Variants in RBFOX1 observed in about 807,000 individuals in gnomAD.
RBFOX1 encodes the protein RNA binding protein fox-1 homolog 1.
A neutral mutation model predicts 57.7 loss-of-function variants in RBFOX1; 8 were observed. The observed-to-expected ratio is 0.14, with a 90% CI of 0.08 to 0.25. The LOEUF (loss-of-function observed/expected upper bound fraction) is 0.25, where lower values mean the gene tolerates loss of function less well. Among genes scored for constraint, RBFOX1 ranks in the 10% least tolerant of loss-of-function variants. The probability of loss-of-function intolerance (pLI) is 1.00; values close to 1 mark genes in which losing one functional copy is unlikely to be tolerated. For synonymous variants in RBFOX1, 326 were observed against 222.4 expected (o/e 1.47, Z -4.15); for missense variants, 611 against 548.5 (o/e 1.11, Z -1.14).
chr16:6,799,700 C>T (rs972115147), intron 3 of RBFOX1, among the ~76,000 whole-genome samples: 2 of 152,124 alleles, frequency 1.3e-5, no homozygotes, highest in African/African-American at 2.4e-5. Context: ...CTGAGTCTTC[C>T]ACCTTTCGTC....
intron 5 of RBFOX1, among the ~76,000 whole-genome samples, chr16:7,540,333 A>G (rs1002259534): frequency 1.3e-5 from 2 of 152,218 alleles, no homozygotes; most frequent in African/African-American, 4.8e-5. Context: ...ATATGGCACC[A>G]TGTCGGCAAT....
At chr16:5,782,266 C>G (rs1313766950) in intron 3 of RBFOX1, among the ~76,000 whole-genome samples, 5 of 152,182 alleles carry the variant, frequency 3.3e-5, no homozygotes, top group Non-Finnish European at 7.3e-5. Flanking sequence ...AGGGTGTCAG[C>G]ACGTTTGGTA....
intron 3 of RBFOX1, among the ~76,000 whole-genome samples, chr16:5,799,665 A>C (rs1215118823): frequency 1.3e-5 from 2 of 152,136 alleles, no homozygotes; most frequent in Non-Finnish European, 2.9e-5. Flanking sequence ...GAGTGTGTTC[A>C]AGGTAGGCTG....
chr16:6,886,021 G>A (rs546173456), intron 3 of RBFOX1, among the ~76,000 whole-genome samples: 1 of 151,414 alleles, frequency 6.6e-6, no homozygotes, highest in Non-Finnish European at 1.5e-5. Flanking sequence ...GAGATTTCAT[G>A]CATCAAGGAT....
intron 1 of RBFOX1, among the ~76,000 whole-genome samples, chr16:5,363,745 G>A (rs1232611182): frequency 2.0e-5 from 3 of 152,302 alleles, no homozygotes; most frequent in Non-Finnish European, 2.9e-5. Context: ...TGGGGACTAC[G>A]TGTCTGTCTT....
Position 5,654,018 on chromosome 16 carries a change from C to T in RBFOX1, c.318+55057C>T, listed in dbSNP as rs77230789. On this transcript the variant is annotated intron_variant, in intron 3 of 19. Transcript: ENST00000641259. ...GTGGGCAGGCGGGGCCCAGCTGGTG[C>T]GAGCTTTTGGTTGATAAGCCTGATG... 5.8e-3 allele frequency among the ~76,000 whole-genome samples: 881 copies of T among 152,300 alleles called. 7 individuals carry two copies. The highest frequency in any genetic ancestry group is 0.02 in the African/African-American group (841 of 41,568).
chr16:7,233,470 C>A (rs1433015158), intron 4 of RBFOX1, among the ~76,000 whole-genome samples: 1 of 152,126 alleles, frequency 6.6e-6, no homozygotes, highest in African/African-American at 2.4e-5. Flanking sequence ...GAACACAATA[C>A]ATGGTAGACA....
Position 7,711,056 on chromosome 16 carries a change from A to T in RBFOX1, c.*311A>T. 4.4e-6 allele frequency: 1 copy of T among 226,654 alleles called. No individual in the cohort carries two copies. The highest frequency in any genetic ancestry group is 8.5e-6 in the Non-Finnish European group (1 of 117,944). The allele number at this position is 226,654 out of a possible 1,614,324, so 14.0% of individuals were successfully genotyped here. On this transcript the variant is annotated 3_prime_UTR_variant, in exon 16 of 16. Coordinates refer to ENST00000550418, the MANE Select transcript of RBFOX1 (RefSeq NM_018723.4). Reference sequence around the variant, plus strand: ...TTTAGGGCCATATCCAGAGTGCTATATTATGTAAATGAATTATATATGCTG... The same window carrying T: ...TTTAGGGCCATATCCAGAGTGCTATTTTATGTAAATGAATTATATATGCTG...
At chr16:6,049,643 G>T (rs916100775) in intron 1 of RBFOX1, among the ~76,000 whole-genome samples, 1 of 152,098 alleles carries the variant, frequency 6.6e-6, no homozygotes, top group African/African-American at 2.4e-5. Context: ...TTAAATAGTG[G>T]TTTAATTTTC....
At chr16:7,317,253 C>T (rs1032661624) in intron 4 of RBFOX1, among the ~76,000 whole-genome samples, 28 of 152,130 alleles carry the variant, frequency 1.8e-4, no homozygotes, top group African/African-American at 5.5e-4. Context: ...TGATGTTCAG[C>T]CAGAAGAGAA....
At chr16:6,737,554 T>A (rs1307823888) in intron 3 of RBFOX1, among the ~76,000 whole-genome samples, 1 of 152,192 alleles carries the variant, frequency 6.6e-6, no homozygotes, top group Non-Finnish European at 1.5e-5. Context: ...CAACATCAGT[T>A]TTAAATCTGG....
chr16:6,921,308 A>G (rs1327805537), intron 3 of RBFOX1, among the ~76,000 whole-genome samples: 3 of 152,188 alleles, frequency 2.0e-5, no homozygotes, highest in Non-Finnish European at 2.9e-5. Context: ...TCCTTTGTTC[A>G]TGCTCTCACA....
chr16:7,097,249 G>C (rs1016124334), intron 4 of RBFOX1, among the ~76,000 whole-genome samples: 2 of 152,218 alleles, frequency 1.3e-5, no homozygotes, highest in East Asian at 3.9e-4. Context: ...GAGGTGTGGT[G>C]GTTAGAAGGC....
chr16:6,098,744 C>G (rs148569795), intron 1 of RBFOX1, among the ~76,000 whole-genome samples: 1 of 152,308 alleles, frequency 6.6e-6, no homozygotes, highest in African/African-American at 2.4e-5. Context: ...AGCTAAAAAT[C>G]CAGAATCAAT....
At chr16:6,073,240 A>T (rs989955770) in intron 1 of RBFOX1, among the ~76,000 whole-genome samples, 1 of 152,346 alleles carries the variant, frequency 6.6e-6, no homozygotes. Flanking sequence ...TACTCACAGC[A>T]TGCATATTTA....
rs75631959 is a variant in RBFOX1, at chr16:6,105,591, C to T, written c.-127+85599C>T. Among the ~76,000 whole-genome samples the T allele has an allele frequency of 3.9e-5, 6 of 152,138 alleles. No homozygotes were observed. In the East Asian group the frequency reaches 1.2e-3, roughly 29 times the overall value. On this transcript the variant is annotated intron_variant, in intron 1 of 15. Coordinates refer to ENST00000550418, the MANE Select transcript of RBFOX1 (RefSeq NM_018723.4). The stretch of plus-strand genomic sequence containing the variant: ...TCTCCTAAACTTCTATGGTTATTTT[C>T]ATGGACACTACCTTTTATTTTATTT...
At chr16:7,301,439 CTG>C (rs2096029617) in intron 4 of RBFOX1, among the ~76,000 whole-genome samples, 1 of 152,148 alleles carries the variant, frequency 6.6e-6, no homozygotes, top group Non-Finnish European at 1.5e-5. Flanking sequence ...GTGTGTCTGA[CTG>C]TGAAAACTTA....
chr16:6,684,205 G>C (rs1603405110), intron 3 of RBFOX1, among the ~76,000 whole-genome samples: 2 of 152,214 alleles, frequency 1.3e-5, no homozygotes, highest in South Asian at 4.1e-4. Flanking sequence ...ATGTTTATTA[G>C]TTTCTTATGC....
chr16:5,811,282 C>T (rs537890233), intron 3 of RBFOX1, among the ~76,000 whole-genome samples: 8 of 151,258 alleles, frequency 5.3e-5, no homozygotes, highest in South Asian at 4.2e-4. Flanking sequence ...TACAGGCACC[C>T]GCCATCATGC....
Sources: gnomAD v4.1 joint callset for allele counts (sites outside exome capture counted in the v4.1 genomes callset) on GRCh38, gnomAD v4.1.1 for gene constraint, MANE v1.5 for transcripts, NCBI Gene and HGNC (gene_info 2026-07-23, HGNC 2026-07-21) for gene names.